Variants in NRXN3 observed in about 807,000 individuals in gnomAD.
NRXN3 encodes the protein neurexin III.
NRXN3 carries 32 observed loss-of-function variants against 137.6 expected under a neutral mutation model. That is an observed-to-expected ratio of 0.23 (90% CI 0.18 to 0.31). NRXN3 has a LOEUF of 0.31. NRXN3 is among the 10% of genes least tolerant of loss of function. The probability of loss-of-function intolerance (pLI) is 1.00; values close to 1 mark genes in which losing one functional copy is unlikely to be tolerated. For synonymous variants in NRXN3, 798 were observed against 784.5 expected (o/e 1.02, Z -0.29); for missense variants, 1,574 against 2,062.5 (o/e 0.76, Z 4.59).
At chr14:79,233,782 G>A (rs2072710326) in intron 15 of NRXN3, among the ~76,000 whole-genome samples, 1 of 151,880 alleles carries the variant, frequency 6.6e-6, no homozygotes, top group South Asian at 2.1e-4. Flanking sequence ...GTCCCATGAT[G>A]ATCCTAGAAA....
chr14:78,840,877 A>G (rs1389390228), intron 10 of NRXN3, among the ~76,000 whole-genome samples: 3 of 152,220 alleles, frequency 2.0e-5, no homozygotes, highest in Non-Finnish European at 2.9e-5. Flanking sequence ...TGATAATACT[A>G]TTAGTACTTA....
At chr14:78,402,422 T>C (rs1251278256) in intron 4 of NRXN3, among the ~76,000 whole-genome samples, 2 of 152,196 alleles carry the variant, frequency 1.3e-5, no homozygotes, top group African/African-American at 4.8e-5. Flanking sequence ...ATATGAATTA[T>C]AAGTGAGTAG....
chr14:79,003,288 T>C (rs2099545514), intron 15 of NRXN3, among the ~76,000 whole-genome samples: 1 of 152,220 alleles, frequency 6.6e-6, no homozygotes, highest in South Asian at 2.1e-4. Flanking sequence ...ATTGTAAGAC[T>C]TAGGGAACAA....
chr14:78,293,563 T>G (rs1056430522), intron 3 of NRXN3, among the ~76,000 whole-genome samples: 1 of 152,212 alleles, frequency 6.6e-6, no homozygotes, highest in Admixed American at 6.5e-5. Context: ...TCCTCTTTTT[T>G]CTTTTCTTTC....
chr14:78,948,704 C>T (rs1019630724), intron 10 of NRXN3, among the ~76,000 whole-genome samples: 1 of 130,188 alleles, frequency 7.7e-6, no homozygotes, highest in Non-Finnish European at 1.6e-5. Context: ...CTTACAAATA[C>T]TTTAAAGAAA....
intron 10 of NRXN3, among the ~76,000 whole-genome samples, chr14:78,879,509 G>A (rs55931646): frequency 0.028 from 4,290 of 152,246 alleles, 73 homozygotes; most frequent in Non-Finnish European, 0.043. Context: ...CTTGTTAGCC[G>A]TCTGTATGTC....
intron 6 of NRXN3, among the ~76,000 whole-genome samples, chr14:78,671,593 T>A (rs748209203): frequency 2.0e-5 from 3 of 148,566 alleles, no homozygotes; most frequent in Non-Finnish European, 4.4e-5. Context: ...AAGTCAAACA[T>A]GTGAAAAAAA....
At chr14:78,311,997 A>G (rs1481228990) in intron 4 of NRXN3, among the ~76,000 whole-genome samples, 1 of 152,136 alleles carries the variant, frequency 6.6e-6, no homozygotes, top group Non-Finnish European at 1.5e-5. Context: ...GAAAATTTGT[A>G]GCACAATCGG....
intron 10 of NRXN3, among the ~76,000 whole-genome samples, chr14:78,883,214 C>G (rs2099134363): frequency 6.6e-6 from 1 of 152,064 alleles, no homozygotes; most frequent in African/African-American, 2.4e-5. Flanking sequence ...ATATATAAGC[C>G]TTATTATTCT....
intron 10 of NRXN3, among the ~76,000 whole-genome samples, chr14:78,845,574 C>T (rs2099024255): frequency 6.6e-6 from 1 of 151,840 alleles, no homozygotes; most frequent in Non-Finnish European, 1.5e-5. Flanking sequence ...GAATGTTGAC[C>T]TCAAATGTCT....
At chr14:79,095,860 A>C (rs373189413) in intron 15 of NRXN3, among the ~76,000 whole-genome samples, 16 of 152,240 alleles carry the variant, frequency 1.1e-4, no homozygotes, top group Admixed American at 2.0e-4. Context: ...TTATTGTTTT[A>C]GAATTTGAAA....
chr14:78,615,794 A>G (rs1462230367), intron 4 of NRXN3, among the ~76,000 whole-genome samples: 1 of 152,132 alleles, frequency 6.6e-6, no homozygotes, highest in African/African-American at 2.4e-5. Flanking sequence ...CAAAACAATT[A>G]GTTGGATGTG....
intron 4 of NRXN3, among the ~76,000 whole-genome samples, chr14:78,616,158 T>G (rs2097345545): frequency 6.6e-6 from 1 of 152,204 alleles, no homozygotes. Context: ...GTATAAATCA[T>G]ACCCTGTCTC....
intron 8 of NRXN3, among the ~76,000 whole-genome samples, chr14:78,767,124 C>A (rs1377212946): frequency 1.3e-5 from 2 of 152,154 alleles, no homozygotes; most frequent in Non-Finnish European, 2.9e-5. Context: ...CACAAAGATG[C>A]AATCAAGCAC....
chr14:78,908,981 A>G (rs1375558047), intron 10 of NRXN3, among the ~76,000 whole-genome samples: 3 of 152,136 alleles, frequency 2.0e-5, no homozygotes, highest in Non-Finnish European at 4.4e-5. Context: ...TTCCTAATTG[A>G]AAAGCCTAGG....
intron 10 of NRXN3, among the ~76,000 whole-genome samples, chr14:78,911,226 G>A (rs188431200): frequency 2.0e-5 from 3 of 152,242 alleles, no homozygotes; most frequent in Admixed American, 1.3e-4. Context: ...GAGGTACAAT[G>A]AGGGCTGGTA....
chr14:79,662,468 GCATT>G (rs2153985672), intron 16 of NRXN3, among the ~76,000 whole-genome samples: 1 of 152,200 alleles, frequency 6.6e-6, no homozygotes, highest in Non-Finnish European at 1.5e-5. Flanking sequence ...AGTTTTAATA[GCATT>G]ATTATGTATG....
At chr14:78,399,295 A>T (rs974407117) in intron 4 of NRXN3, among the ~76,000 whole-genome samples, 3 of 152,074 alleles carry the variant, frequency 2.0e-5, no homozygotes, top group African/African-American at 7.3e-5. Context: ...AAAAAATCTT[A>T]TGTTTGTTTT....
At chr14:78,978,753 T>G (rs939441128) in intron 14 of NRXN3, among the ~76,000 whole-genome samples, 2 of 147,852 alleles carry the variant, frequency 1.4e-5, no homozygotes, top group African/African-American at 2.5e-5. Flanking sequence ...TATATACATC[T>G]TATATATAAT....
Sources: gnomAD v4.1 joint callset for allele counts (sites outside exome capture counted in the v4.1 genomes callset) on GRCh38, gnomAD v4.1.1 for gene constraint, MANE v1.5 for transcripts, NCBI Gene and HGNC (gene_info 2026-07-23, HGNC 2026-07-21) for gene names.